The following UGGT1 variants were observed in gnomAD, a reference collection of about 807,000 sequenced individuals.
UGGT1 encodes UDP-glucose glycoprotein glucosyltransferase 1.
A neutral mutation model predicts 203.9 loss-of-function variants in UGGT1; 107 were observed. The observed-to-expected ratio is 0.52, with a 90% confidence interval of 0.45 to 0.62. UGGT1 has a LOEUF of 0.62. Among genes scored for constraint, UGGT1 ranks in the 20% least tolerant of loss-of-function variants. The pLI, the probability that UGGT1 is intolerant of heterozygous loss-of-function variation, is 0.00. For synonymous variants in UGGT1, 628 were observed against 653.5 expected (o/e 0.96, Z 0.59); for missense variants, 1,673 against 1,867.2 (o/e 0.90, Z 1.92).
chr2:128,156,719 C>T (rs1478823485), intron 21 of UGGT1, among the ~76,000 whole-genome samples: 3 of 152,044 alleles, frequency 2.0e-5, no homozygotes, highest in African/African-American at 7.3e-5. Flanking sequence ...AGGCACCCGC[C>T]ACCACGTCCA....
At chr2:128,169,601 T>C (rs983332845) in intron 26 of UGGT1, among the ~76,000 whole-genome samples, 8 of 152,236 alleles carry the variant, frequency 5.3e-5, no homozygotes, top group African/African-American at 1.9e-4. Context: ...AAGTTGGTTG[T>C]ACAAATTGTT....
At position 128,186,682 on chromosome 2, in the gene UGGT1, G is replaced by C; in HGVS notation, c.4360-1G>C. 1 of 1,604,972 alleles carries C rather than the reference G, an allele frequency of 6.2e-7. No homozygotes were observed. ...ATTTTTATTTTTTTTTAACCAAACA[G>C]GATCTGCCCAATAACATGATTCATC... On this transcript the variant is annotated splice_acceptor_variant, in intron 38 of 40. Transcript: ENST00000259253. LOFTEE classifies it high-confidence loss of function.
At chr2:128,168,914 G>A (rs533588849) in intron 26 of UGGT1, among the ~76,000 whole-genome samples, 14 of 152,126 alleles carry the variant, frequency 9.2e-5, no homozygotes, top group African/African-American at 3.4e-4. Flanking sequence ...GGGCATGGTG[G>A]CATGTGCCTG....
intron 2 of UGGT1, 22 bp from the exon 3 acceptor site, chr2:128,103,910 T>C (rs1172754690): frequency 6.4e-7 from 1 of 1,560,610 alleles, no homozygotes; most frequent in Non-Finnish European, 8.6e-7. Context: ...TAAGTTGTTT[T>C]ATTTCTGATC....
At chr2:128,154,498 T>G (rs1690132843) in intron 19 of UGGT1, among the ~76,000 whole-genome samples, 1 of 152,172 alleles carries the variant, frequency 6.6e-6, no homozygotes, top group Non-Finnish European at 1.5e-5. Context: ...CACTCAGGTT[T>G]CTTTGGCTTT....
intron 8 of UGGT1, among the ~76,000 whole-genome samples, chr2:128,116,558 G>T (rs963697553): frequency 6.6e-6 from 1 of 151,798 alleles, no homozygotes; most frequent in Non-Finnish European, 1.5e-5. Flanking sequence ...ACAGGGTCTC[G>T]CTGTGTCGCC....
At chr2:128,176,407 C>CAAAAAA (rs757833629) in intron 31 of UGGT1, among the ~76,000 whole-genome samples, 1 of 70,226 alleles carries the variant, frequency 1.4e-5, no homozygotes, top group Non-Finnish European at 2.7e-5. Context: ...AACTCTGTCT[C>CAAAAAA]AAAAAAAAAA....
intron 13 of UGGT1, among the ~76,000 whole-genome samples, chr2:128,131,181 C>T (rs1179269969): frequency 5.6e-5 from 8 of 143,650 alleles, no homozygotes; most frequent in Non-Finnish European, 7.5e-5. Flanking sequence ...TGCAGTGAGC[C>T]GAGATCAAGC....
chr2:128,160,625 T>A, intron 24 of UGGT1, 34 bp downstream of exon 24: 1 of 1,590,636 alleles, frequency 6.3e-7, no homozygotes. Context: ...TCACATTAGA[T>A]CCGTGAACAG....
At chr2:128,146,204 A>T (rs1464614955) in intron 18 of UGGT1, among the ~76,000 whole-genome samples, 1 of 152,110 alleles carries the variant, frequency 6.6e-6, no homozygotes, top group East Asian at 1.9e-4. Context: ...CTAGCTACTC[A>T]GGAAGCTTAG....
intron 5 of UGGT1, among the ~76,000 whole-genome samples, chr2:128,110,793 T>C (rs1687811334): frequency 6.6e-6 from 1 of 152,192 alleles, no homozygotes; most frequent in Non-Finnish European, 1.5e-5. Context: ...TGGGTATACC[T>C]CGTTATTTTT....
At chr2:128,128,294 T>C (rs192368994) in intron 12 of UGGT1, among the ~76,000 whole-genome samples, 70 of 147,332 alleles carry the variant, frequency 4.8e-4, no homozygotes, top group African/African-American at 1.6e-3. Flanking sequence ...TAATCACATC[T>C]TATTTCTCCT....
chr2:128,142,606 A>G (rs1689492044), intron 16 of UGGT1, among the ~76,000 whole-genome samples: 1 of 150,042 alleles, frequency 6.7e-6, no homozygotes, highest in Non-Finnish European at 1.5e-5. Context: ...AAAAAAGAAT[A>G]TTTAATTTCC....
chr2:128,187,925 GTTC>G (rs971883953), intron 40 of UGGT1, among the ~76,000 whole-genome samples: 17 of 147,286 alleles, frequency 1.2e-4, no homozygotes, highest in Non-Finnish European at 2.1e-4. Context: ...CTTTTGCAGA[GTTC>G]TTCTTAGATT....
At chr2:128,112,454 T>TATATATATATATATATATA (rs1553433490) in intron 5 of UGGT1, among the ~76,000 whole-genome samples, 1 of 55,812 alleles carries the variant, frequency 1.8e-5, no homozygotes, top group African/African-American at 5.3e-5. Context: ...AAATACTATG[T>TATATATATATATATATATA]TATATATATA....
intron 40 of UGGT1, among the ~76,000 whole-genome samples, chr2:128,188,478 C>T (rs946904152): frequency 1.3e-4 from 20 of 151,992 alleles, no homozygotes; most frequent in African/African-American, 3.9e-4. Context: ...CATTAGAATA[C>T]GAAATTGACT....
rs758748202 is a variant in UGGT1, at chr2:128,116,361, A to G, written c.872+18A>G. 1.3e-5 allele frequency: 20 copies of G among 1,530,960 alleles called. No homozygotes were observed. In the South Asian group the frequency reaches 1.7e-4, roughly 13 times the overall value. The allele number at this position is 1,530,960 out of a possible 1,614,324, so 94.8% of individuals were successfully genotyped here. On this transcript the variant is annotated intron_variant, in intron 8 of 40. Transcript: ENST00000259253. ...AAATTAAGGTATGTATGTTCTGTGT[A>G]TTTTGGGAAACGCCCTCATTTTCTT...
intron 13 of UGGT1, among the ~76,000 whole-genome samples, chr2:128,132,938 C>T (rs563939120): frequency 1.4e-4 from 21 of 152,192 alleles, no homozygotes; most frequent in Admixed American, 3.3e-4. Context: ...AACTCCTGGG[C>T]TCAAGTGATC....
chr2:128,129,429 T>C lies in UGGT1; in HGVS notation c.1377+250T>C, dbSNP rs184711558. 8.4e-3 allele frequency among the ~76,000 whole-genome samples: 1,272 copies of C among 150,596 alleles called. 15 individuals are homozygous for C. The highest frequency in any genetic ancestry group is 0.028 in the African/African-American group (1,161 of 40,876). ...TTTTTTTTTTTTCAAGACAGAGTCT[T>C]GCTCTGTTGTCCAGGCTGGAGTGCA... On this transcript the variant is annotated intron_variant, in intron 13 of 40. Transcript: ENST00000259253.
Sources: allele counts gnomAD v4.1 joint callset (sites outside exome capture counted in the v4.1 genomes callset), GRCh38; gene constraint gnomAD v4.1.1; transcripts MANE v1.5; gene names NCBI Gene and HGNC (gene_info 2026-07-23, HGNC 2026-07-21).